Variants in ATPSCKMT observed in about 807,000 individuals in gnomAD.
ATPSCKMT encodes ATP synthase subunit C lysine N-methyltransferase.
Under a neutral mutation model 24.3 loss-of-function variants are expected in ATPSCKMT, and 24 were observed. The ratio of observed to expected loss-of-function variants is 0.99; its 90% confidence interval spans 0.71 to 1.39. The LOEUF is 1.39. Among genes scored for constraint, ATPSCKMT ranks in the 40% most tolerant of loss-of-function variants. The pLI, the probability that ATPSCKMT is intolerant of heterozygous loss-of-function variation, is 0.00. For missense variants in ATPSCKMT, 311 were observed against 298.4 expected, an observed-to-expected ratio of 1.04 and a Z score of -0.31; for synonymous variants, 95 against 110.5, an observed-to-expected ratio of 0.86 and a Z score of 0.88.
At chr5:10,230,744 C>G (rs1007490764) in intron 4 of ATPSCKMT, among the ~76,000 whole-genome samples, 2 of 152,254 alleles carry the variant, frequency 1.3e-5, no homozygotes, top group East Asian at 1.9e-4. Context: ...TCCCGCCCCC[C>G]AGGAACCCCG....
chr5:10,228,729 G>A (rs4557374), intron 4 of ATPSCKMT, among the ~76,000 whole-genome samples: 26,292 of 151,738 alleles, frequency 0.17, 3,751 homozygotes, highest in East Asian at 0.75. Flanking sequence ...GCCCAGGCTG[G>A]ACTGCATTGG....
intron 1 of ATPSCKMT, among the ~76,000 whole-genome samples, chr5:10,246,038 C>A (rs1744905920): frequency 6.6e-6 from 1 of 152,062 alleles, no homozygotes; most frequent in South Asian, 2.1e-4. Context: ...TTTTTATTAC[C>A]TCAAGAGGAA....
chr5:10,226,922 A>T lies in ATPSCKMT; in HGVS notation c.*519T>A, dbSNP rs1561023270. ...ATACAGCTTAGATTCCATAAAATAC[A>T]GTAATCTAGTGGTGGAACAAATTAT... On this transcript the variant is annotated 3_prime_UTR_variant, in exon 5 of 5. Coordinates refer to ENST00000511437, the MANE Select transcript of ATPSCKMT (RefSeq NM_199133.4). 6.3e-6 allele frequency: 1 copy of T among 158,842 alleles called. No individual in the cohort carries two copies. The highest frequency in any genetic ancestry group is 1.4e-5 in the Non-Finnish European group (1 of 71,954). The allele number at this position is 158,842 out of a possible 1,614,324, so 9.8% of individuals were successfully genotyped here. A position where few individuals can be genotyped will look rare whatever the true frequency, so the allele number is the denominator to read the frequency against.
rs375109728 is a variant in ATPSCKMT at position 10,239,116 on chromosome 5, C to T, written c.257G>A (p.Arg86Gln). The T allele has an allele frequency of 2.7e-4, 435 of 1,614,076 alleles. No individual in the cohort carries two copies. The highest frequency in any genetic ancestry group is 3.6e-4 in the Non-Finnish European group (420 of 1,180,050). ...KQIENVVKML[R>Q]CRRGSLVDIG... is the part of the protein sequence containing the mutation. ...GTCCACAAGGGATCCTCTTCGGCAT[C>T]GCAACATTTTCACAACATTTTCAAT... Residue 86 changes from arginine (R) to glutamine (Q), a missense_variant, in exon 2 of 5, where the codon CGA (arginine) becomes CAA (glutamine). Arg to Gln is a conservative substitution (Grantham distance 43). Coordinates refer to ENST00000511437, the MANE Select transcript of ATPSCKMT (RefSeq NM_199133.4).
chr5:10,236,681 T>A, intron 2 of ATPSCKMT, 66 bp from the exon 3 acceptor site: 1 of 1,579,532 alleles, frequency 6.3e-7, no homozygotes, highest in Non-Finnish European at 8.6e-7. Flanking sequence ...TCAAACAATA[T>A]GAATATTTCC....
intron 1 of ATPSCKMT, among the ~76,000 whole-genome samples, chr5:10,245,620 A>C (rs1018888385): frequency 1.4e-4 from 21 of 151,706 alleles, no homozygotes; most frequent in African/African-American, 4.6e-4. Flanking sequence ...GGTGGTGTGC[A>C]TCTGTGGTCC....
chr5:10,227,804 T>C (rs530567541), intron 4 of ATPSCKMT, among the ~76,000 whole-genome samples, 157 bp from the exon 5 acceptor site: 3 of 152,238 alleles, frequency 2.0e-5, no homozygotes, highest in East Asian at 3.9e-4. Flanking sequence ...AAACAATCCA[T>C]TGAAATACAG....
intron 1 of ATPSCKMT, 37 bp downstream of exon 1, chr5:10,249,821 A>G (rs1745221761): frequency 4.2e-6 from 6 of 1,425,250 alleles, no homozygotes; most frequent in Non-Finnish European, 5.6e-6. Context: ...ACCCCTTCTC[A>G]TGCCCCCAGG....
At chr5:10,239,957 T>C (rs1158446403) in intron 1 of ATPSCKMT, among the ~76,000 whole-genome samples, 1 of 152,086 alleles carries the variant, frequency 6.6e-6, no homozygotes, top group African/African-American at 2.4e-5. Context: ...CCGGGCGTGG[T>C]GGTTCACGCC....
chr5:10,241,746 C>T (rs1281522738), intron 1 of ATPSCKMT, among the ~76,000 whole-genome samples: 1 of 152,068 alleles, frequency 6.6e-6, no homozygotes, highest in African/African-American at 2.4e-5. Context: ...ACAGGCATAC[C>T]TTGGAAATAT....
intron 1 of ATPSCKMT, among the ~76,000 whole-genome samples, chr5:10,244,670 G>A (rs993547937): frequency 6.6e-6 from 1 of 152,178 alleles, no homozygotes; most frequent in Non-Finnish European, 1.5e-5. Flanking sequence ...CCAGCACTTT[G>A]GAAGGCCGAG....
chr5:10,249,609 G>C (rs1745197052), intron 1 of ATPSCKMT: 1 of 495,312 alleles, frequency 2.0e-6, no homozygotes, highest in Admixed American at 3.9e-5. Context: ...CAAAGGCTGA[G>C]TCACTTGCAC....
At chr5:10,240,735 C>T (rs2578630) in intron 1 of ATPSCKMT, among the ~76,000 whole-genome samples, 32,078 of 152,062 alleles carry the variant, frequency 0.21, 4,693 homozygotes, top group East Asian at 0.78. Flanking sequence ...GTGGCTCACA[C>T]CTGTAATCCC....
At chr5:10,248,043 G>C (rs1745015331) in intron 1 of ATPSCKMT, among the ~76,000 whole-genome samples, 1 of 152,228 alleles carries the variant, frequency 6.6e-6, no homozygotes, top group Non-Finnish European at 1.5e-5. Flanking sequence ...AAAAGGCCAA[G>C]AAGAGAGAAG....
intron 2 of ATPSCKMT, among the ~76,000 whole-genome samples, chr5:10,237,515 G>C (rs777128204): frequency 5.3e-5 from 8 of 152,244 alleles, no homozygotes; most frequent in Admixed American, 1.3e-4. Flanking sequence ...TCATGACAGT[G>C]AGTAAGTCTC....
At chr5:10,237,733 T>A (rs1179408057) in intron 2 of ATPSCKMT, among the ~76,000 whole-genome samples, 3 of 150,296 alleles carry the variant, frequency 2.0e-5, no homozygotes, top group Non-Finnish European at 3.0e-5. Context: ...ATCAGCAGCA[T>A]GAAAACAGAC....
chr5:10,235,272 T>A lies in ATPSCKMT; in HGVS notation c.445-11A>T, dbSNP rs760975105. 1 of 1,611,822 alleles carries A rather than the reference T, an allele frequency of 6.2e-7. No homozygotes were observed. The stretch of plus-strand genomic sequence containing the variant: ...CTGCGAAAAAGTAACCTGAACAAGG[T>A]GGGAAAATAATCAGTAGATTAAGTG... On this transcript the variant is annotated splice_polypyrimidine_tract_variant and intron_variant, in intron 3 of 4. Coordinates refer to ENST00000511437, the MANE Select transcript of ATPSCKMT (RefSeq NM_199133.4).
chr5:10,240,775 C>A (rs1331318092), intron 1 of ATPSCKMT, among the ~76,000 whole-genome samples: 1 of 152,096 alleles, frequency 6.6e-6, no homozygotes, highest in Non-Finnish European at 1.5e-5. Flanking sequence ...GCGGGCAGAT[C>A]ACCAGAGGTT....
intron 4 of ATPSCKMT, among the ~76,000 whole-genome samples, chr5:10,232,754 C>G (rs1405251273): frequency 6.6e-6 from 1 of 152,172 alleles, no homozygotes; most frequent in African/African-American, 2.4e-5. Context: ...CAGCATGGCC[C>G]AGGGGAGGCT....
Sources: allele counts gnomAD v4.1 joint callset (sites outside exome capture counted in the v4.1 genomes callset), GRCh38; gene constraint gnomAD v4.1.1; transcripts MANE v1.5; gene names NCBI Gene and HGNC (gene_info 2026-07-23, HGNC 2026-07-21).